The following RASA1 variants were observed in gnomAD, a reference collection of about 807,000 sequenced individuals.
The protein encoded by RASA1 is ras GTPase-activating protein 1.
In RASA1, 25 loss-of-function variants were observed where a neutral mutation model predicts 132.2. The observed-to-expected ratio is 0.19, with a 90% CI of 0.14 to 0.26. RASA1 has a LOEUF of 0.26. Ranked by LOEUF, RASA1 falls within the 10% of genes least tolerant of loss-of-function variation. RASA1 has a pLI of 1.00. For missense variants in RASA1, 964 were observed against 1,299.2 expected (o/e 0.74, Z 3.97); for synonymous variants, 477 against 449.9 (o/e 1.06, Z -0.76).
At chr5:87,374,668 G>A (rs1968674) in intron 14 of RASA1, among the ~76,000 whole-genome samples, 172 bp from the exon 15 acceptor site, 2 of 151,266 alleles carry the variant, frequency 1.3e-5, no homozygotes, top group Admixed American at 6.6e-5. Context: ...TGTAATCTGC[G>A]TGTCTTCTGT....
At chr5:87,270,259 A>G (rs1418165984) in intron 1 of RASA1, among the ~76,000 whole-genome samples, 2 of 150,702 alleles carry the variant, frequency 1.3e-5, no homozygotes, top group Admixed American at 6.6e-5. Context: ...AAAAAAAAAG[A>G]ATTTTGACAA....
chr5:87,304,470 CTT>C (rs376100899), intron 1 of RASA1, among the ~76,000 whole-genome samples: 26 of 143,574 alleles, frequency 1.8e-4, no homozygotes, highest in East Asian at 2.0e-4. Context: ...TTATTATACA[CTT>C]TTTTTTTTTT....
chr5:87,389,029 A>G (rs1762268606), intron 23 of RASA1, among the ~76,000 whole-genome samples: 1 of 152,234 alleles, frequency 6.6e-6, no homozygotes. Flanking sequence ...TACAAAGTCT[A>G]TATTTTACCA....
intron 4 of RASA1, among the ~76,000 whole-genome samples, chr5:87,335,419 G>GTTTTTTTTTTTTT (rs34986349): frequency 5.5e-5 from 4 of 72,888 alleles, no homozygotes; most frequent in Admixed American, 1.9e-4. Context: ...AAAGAATGAG[G>GTTTTTTTTTTTTT]TTTTTTTTTT....
rs1310420860 is a variant in RASA1 at position 87,268,935 on chromosome 5, C to G, written c.484C>G (p.Pro162Ala). 7 of 1,614,066 alleles carry G rather than the reference C, an allele frequency of 4.3e-6. No individual in the cohort carries two copies. In the African/African-American group the frequency reaches 8.0e-5, roughly 18 times the overall value. ...GGACGAAGGTGACTCTCTGGATGGACCAGAATACGAGGAGGAAGAGGTGGC... is the reference window on the plus strand; with the variant it reads ...GGACGAAGGTGACTCTCTGGATGGAGCAGAATACGAGGAGGAAGAGGTGGC... ...TVDEGDSLDG[P>A]EYEEEEVAIP... The change falls in exon 1 of 25, where the codon CCA becomes GCA. Residue 162 changes from proline (P) to alanine (A), a missense_variant. Physicochemically the swap from Pro to Ala is conservative, Grantham distance 27. This residue lies in a region of RASA1 where 326 missense variants were observed against 275.8 expected (regional missense o/e 1.18). Transcript: ENST00000274376.
chr5:87,335,428 T>C lies in RASA1; in HGVS notation c.899+2091T>C, dbSNP rs540858694. Among the ~76,000 whole-genome samples the C allele has an allele frequency of 3.5e-5, 5 of 142,792 alleles. No homozygotes were observed. The East Asian group carries it at 1.0e-3, about 29-fold the overall frequency. The allele number at this position is 142,792 out of a possible 152,430, so 93.7% of individuals were successfully genotyped here. A position where few individuals can be genotyped will look rare whatever the true frequency, so the allele number is the denominator to read the frequency against. Reference sequence around the variant, plus strand: ...GATAATAAAGAATGAGGTTTTTTTTTTTTTTTTTTTTTTTTTGTGACAGTT... The same window carrying C: ...GATAATAAAGAATGAGGTTTTTTTTCTTTTTTTTTTTTTTTTGTGACAGTT... On this transcript the variant is annotated intron_variant, in intron 4 of 24. Coordinates refer to ENST00000274376, the MANE Select transcript of RASA1 (RefSeq NM_002890.3).
Position 87,380,550 on chromosome 5 carries a change from A to G in RASA1, c.2645A>G (p.Gln882Arg). The G allele has an allele frequency of 6.2e-7, 1 of 1,613,536 alleles. No homozygotes were observed. Among genetic ancestry groups the G allele is most frequent in the Non-Finnish European group, 8.5e-7 (1 of 1,179,564 alleles). The change falls in exon 20 of 25, where the codon CAG becomes CGG. Residue 882 changes from glutamine to arginine, a missense_variant. This residue lies in a region of RASA1 where 346 missense variants were observed against 520.1 expected (regional missense o/e 0.67). Transcript: ENST00000274376. ...TATGGGTGTTTACAGAAATCTGTTC[A>G]GCATAAGTGGCCTACAAATACCACC... ...YIYGCLQKSV[Q>R]HKWPTNTTMR...
At chr5:87,375,294 C>T (rs1761247785) in intron 15 of RASA1, among the ~76,000 whole-genome samples, 1 of 151,320 alleles carries the variant, frequency 6.6e-6, no homozygotes. Context: ...GAGTCTTGCT[C>T]TTGTTGCTCA....
At chr5:87,387,780 A>G (rs1478449766) in intron 23 of RASA1, among the ~76,000 whole-genome samples, 2 of 152,208 alleles carry the variant, frequency 1.3e-5, no homozygotes, top group Non-Finnish European at 1.5e-5. Flanking sequence ...GCATAGCTCC[A>G]TATTTATAGT....
intron 1 of RASA1, among the ~76,000 whole-genome samples, chr5:87,327,963 T>C (rs1276712210): frequency 6.6e-6 from 1 of 150,472 alleles, no homozygotes; most frequent in Admixed American, 6.6e-5. Flanking sequence ...CAAGACTCCG[T>C]TTCCCAAAAA....
At chr5:87,287,399 A>G (rs1270192487) in intron 1 of RASA1, among the ~76,000 whole-genome samples, 1 of 148,260 alleles carries the variant, frequency 6.7e-6, no homozygotes. Context: ...TATATACCAT[A>G]TATACACACC....
chr5:87,385,065 G>A (rs889822300), intron 21 of RASA1, among the ~76,000 whole-genome samples: 4 of 151,968 alleles, frequency 2.6e-5, no homozygotes, highest in African/African-American at 7.2e-5. Context: ...TACCCTTTTC[G>A]CAAGCCTAGA....
intron 3 of RASA1, among the ~76,000 whole-genome samples, chr5:87,332,900 T>C (rs1254620988): frequency 6.6e-6 from 1 of 152,170 alleles, no homozygotes; most frequent in Non-Finnish European, 1.5e-5. Flanking sequence ...TATTTCTGAA[T>C]GTATGGGAAC....
chr5:87,289,666 A>G (rs909929314), intron 1 of RASA1, among the ~76,000 whole-genome samples: 8 of 152,204 alleles, frequency 5.3e-5, no homozygotes, highest in African/African-American at 1.9e-4. Flanking sequence ...GTTGGAGTGC[A>G]GTGGTGTAAT....
chr5:87,353,055 A>T lies in RASA1; in HGVS notation c.1254-102A>T, dbSNP rs74527427. ...ATTTGTGTTATGTGCTTTGAAAAAA[A>T]TTTGCTAATTAGATAATCCTTGGCA... On this transcript the variant is annotated intron_variant, in intron 8 of 24. Transcript: ENST00000274376. 2.7e-4 allele frequency: 222 copies of T among 821,674 alleles called. 5 individuals are homozygous for T. In the East Asian group the frequency reaches 3.1e-3, roughly 12 times the overall value. The allele number at this position is 821,674 out of a possible 1,614,324, so 50.9% of individuals were successfully genotyped here.
intron 23 of RASA1, among the ~76,000 whole-genome samples, chr5:87,388,757 C>G (rs572070507): frequency 1.2e-4 from 18 of 152,280 alleles, no homozygotes; most frequent in Admixed American, 3.3e-4. Context: ...GCAGTTCCTA[C>G]TTATATGCAT....
intron 23 of RASA1, among the ~76,000 whole-genome samples, chr5:87,387,969 C>G (rs1762180009): frequency 6.6e-6 from 1 of 152,136 alleles, no homozygotes; most frequent in African/African-American, 2.4e-5. Context: ...TATAATACTA[C>G]CATATTTCTT....
At chr5:87,308,361 T>G (rs915679326) in intron 1 of RASA1, among the ~76,000 whole-genome samples, 3 of 152,136 alleles carry the variant, frequency 2.0e-5, no homozygotes, top group African/African-American at 7.2e-5. Context: ...TGTTGGTTCC[T>G]TAAGTTCTGA....
At chr5:87,275,444 A>C (rs1754021244) in intron 1 of RASA1, among the ~76,000 whole-genome samples, 1 of 152,178 alleles carries the variant, frequency 6.6e-6, no homozygotes, top group Non-Finnish European at 1.5e-5. Context: ...GTTGGCTATA[A>C]TGTCCACTGT....
Sources: gnomAD v4.1 joint callset for allele counts (sites outside exome capture counted in the v4.1 genomes callset) on GRCh38, gnomAD v4.1.1 for gene constraint, gnomAD v4.1.1 regional missense constraint, MANE v1.5 for transcripts, NCBI Gene and HGNC (gene_info 2026-07-23, HGNC 2026-07-21) for gene names.